The following SECISBP2 variants were observed in gnomAD, a reference collection of about 807,000 sequenced individuals.
SECISBP2 encodes SECIS binding protein 2.
In SECISBP2, 96 loss-of-function variants were observed where a neutral mutation model predicts 98.2. The observed-to-expected ratio is 0.98, with a 90% CI of 0.83 to 1.16. SECISBP2 has a LOEUF of 1.16. Ranked by LOEUF, SECISBP2 falls within the 50% of genes most tolerant of loss-of-function variation. The probability of loss-of-function intolerance (pLI) is 0.00; values close to 1 mark genes in which losing one functional copy is unlikely to be tolerated. For missense variants in SECISBP2, 1,046 were observed against 1,022.9 expected (o/e 1.02, Z -0.31); for synonymous variants, 407 against 370.2 (o/e 1.10, Z -1.14).
Position 89,335,776 on chromosome 9 carries a change from A to C in SECISBP2, c.1089+1046A>C. On this transcript the variant is annotated intron_variant, in intron 7 of 16. Transcript: ENST00000375807. ...GAAATACAAGTGATAGCTTTCCTTTATGAGTGAGAATGTACATTTTAGACA... is the reference window on the plus strand; with the variant it reads ...GAAATACAAGTGATAGCTTTCCTTTCTGAGTGAGAATGTACATTTTAGACA... 1.3e-5 allele frequency among the ~76,000 whole-genome samples: 2 copies of C among 152,214 alleles called. 1 individual carries two copies. Among genetic ancestry groups the C allele is most frequent in the East Asian group, 3.8e-4 (2 of 5,196 alleles).
chr9:89,335,199 CAGTG>C (rs1256095639), intron 7 of SECISBP2, among the ~76,000 whole-genome samples: 1 of 143,028 alleles, frequency 7.0e-6, no homozygotes, highest in Non-Finnish European at 1.5e-5. Flanking sequence ...CTGGGCAACA[CAGTG>C]AGACGTCGTC....
intron 16 of SECISBP2, 55 bp downstream of exon 16, chr9:89,358,246 T>C: frequency 6.5e-7 from 1 of 1,542,090 alleles, no homozygotes; most frequent in East Asian, 2.3e-5. Flanking sequence ...TTTACTGACT[T>C]TAATTAGGAG....
chr9:89,325,180 T>A (rs1826471656), intron 2 of SECISBP2: 1 of 507,084 alleles, frequency 2.0e-6, no homozygotes, highest in Non-Finnish European at 3.5e-6. Context: ...CTGGAGCATC[T>A]TCTGGCTCTG....
intron 7 of SECISBP2, 60 bp from the exon 8 acceptor site, chr9:89,338,398 A>G (rs1587929415): frequency 1.3e-6 from 2 of 1,590,036 alleles, no homozygotes; most frequent in East Asian, 2.2e-5. Context: ...GATACATAGT[A>G]TTAAACATTC....
intron 14 of SECISBP2, chr9:89,357,025 T>A: frequency 3.0e-6 from 1 of 335,684 alleles, no homozygotes; most frequent in South Asian, 2.4e-5. Flanking sequence ...GCCAGACCTG[T>A]GCCTCGACCA....
chr9:89,340,764 C>T (rs1829533336), intron 9 of SECISBP2, among the ~76,000 whole-genome samples: 2 of 152,188 alleles, frequency 1.3e-5, no homozygotes, highest in Non-Finnish European at 2.9e-5. Context: ...CACCATGCCT[C>T]AGGACATACC....
intron 14 of SECISBP2, among the ~76,000 whole-genome samples, chr9:89,353,450 C>T (rs1009078976): frequency 6.6e-6 from 1 of 152,220 alleles, no homozygotes; most frequent in Non-Finnish European, 1.5e-5. Context: ...TCCTGCAAAC[C>T]TGTGCTGTGC....
chr9:89,338,576 T>A lies in SECISBP2; in HGVS notation c.1208T>A (p.Ile403Asn). 2 of 1,611,718 alleles carry A rather than the reference T, an allele frequency of 1.2e-6. No individual in the cohort carries two copies. The highest frequency in any genetic ancestry group is 2.2e-5 in the South Asian group (2 of 90,536). The change falls in exon 8 of 17, where the codon ATT becomes AAT. Residue 403 changes from isoleucine (I) to asparagine (N), a missense_variant. Coordinates refer to ENST00000375807, the MANE Select transcript of SECISBP2 (RefSeq NM_024077.5). ...CTGACAGTTCAAGAGCCTCCAAGGATTGAAGTACATTTATATTTTTTATTC... is the reference window on the plus strand; with the variant it reads ...CTGACAGTTCAAGAGCCTCCAAGGAATGAAGTACATTTATATTTTTTATTC... The part of the protein sequence containing the change: ...EVLTVQEPPR[I>N]EDAEEFPNLA...
At chr9:89,338,389 A>T in intron 7 of SECISBP2, 69 bp from the exon 8 acceptor site, 1 of 1,548,660 alleles carries the variant, frequency 6.5e-7, no homozygotes, top group Non-Finnish European at 8.8e-7. Context: ...AATTTTGTTG[A>T]TACATAGTAT....
At chr9:89,364,105 G>A (rs530311630), downstream of SECISBP2, 230 of 1,501,006 alleles carry the variant, frequency 1.5e-4, 2 homozygotes, top group East Asian at 5.4e-3. Context: ...CCCTGGAGGT[G>A]GCTTCCCCAT....
downstream of SECISBP2, among the ~76,000 whole-genome samples, chr9:89,360,450 A>C (rs1832676428): frequency 6.6e-6 from 1 of 152,128 alleles, no homozygotes; most frequent in South Asian, 2.1e-4. Flanking sequence ...AAATCAAAAA[A>C]TTAAAGATCT....
intron 7 of SECISBP2, among the ~76,000 whole-genome samples, chr9:89,337,990 G>A (rs1339925629): frequency 6.6e-6 from 1 of 152,358 alleles, no homozygotes; most frequent in African/African-American, 2.4e-5. Flanking sequence ...GGGGTTAGGG[G>A]CCTGTAGGAA....
intron 1 of SECISBP2, chr9:89,318,935 A>G (rs1825192534): frequency 8.4e-7 from 1 of 1,196,474 alleles, no homozygotes. Context: ...GCTCTTGGGA[A>G]CGGATAGATT....
chr9:89,331,951 T>G (rs1827822273), intron 5 of SECISBP2, among the ~76,000 whole-genome samples: 1 of 152,216 alleles, frequency 6.6e-6, no homozygotes, highest in Non-Finnish European at 1.5e-5. Context: ...AAGCTATAGA[T>G]GTGGGTGGTG....
At position 89,325,525 on chromosome 9, in the gene SECISBP2, C is replaced by T. The variant is rs1436390737; in HGVS notation, c.281C>T (p.Pro94Leu). The T allele has an allele frequency of 1.2e-6, 2 of 1,613,880 alleles. No homozygotes were observed. Among genetic ancestry groups the T allele is most frequent in the African/African-American group, 2.7e-5 (2 of 74,848 alleles). ...EITLHPYAYS[P>L]YTLDSTQNVY... is the part of the protein sequence containing the mutation. Reference sequence around the variant, plus strand: ...ACTCTTCATCCATATGCCTATTCTCCTTATACCCTTGACTCCACACAGAAT... The same window carrying T: ...ACTCTTCATCCATATGCCTATTCTCTTTATACCCTTGACTCCACACAGAAT... Residue 94 changes from proline (P) to leucine (L), a missense_variant, in exon 3 of 17, where the codon CCT (proline) becomes CTT (leucine). Coordinates refer to ENST00000375807, the MANE Select transcript of SECISBP2 (RefSeq NM_024077.5).
intron 14 of SECISBP2, chr9:89,355,590 CAAAA>C: frequency 1.4e-6 from 1 of 735,604 alleles, no homozygotes; most frequent in Non-Finnish European, 1.7e-6. Flanking sequence ...GTTTCTCCAC[CAAAA>C]AAAAAAATTG....
In SECISBP2 at chr9:89,349,949, C is replaced by T. The variant is rs1194486548; in HGVS notation, c.1892+20C>T. ...CAGGGAGTGAGTGAGCCCCTGCCTG[C>T]CAGGGACTAGGGGAAGATGGAAGTG... On this transcript the variant is annotated intron_variant, in intron 13 of 16. Transcript: ENST00000375807. 1.9e-6 allele frequency: 3 copies of T among 1,613,460 alleles called. No individual in the cohort carries two copies. Among genetic ancestry groups the T allele is most frequent in the Non-Finnish European group, 1.7e-6 (2 of 1,179,580 alleles).
chr9:89,363,829 G>A (rs1417210703), downstream of SECISBP2: 2 of 1,614,018 alleles, frequency 1.2e-6, no homozygotes, highest in Non-Finnish European at 1.7e-6. Context: ...TTTCCCTGAT[G>A]GCGTCCTGCA....
At chr9:89,332,656 A>G (rs1357583740) in intron 5 of SECISBP2, 3 of 517,132 alleles carry the variant, frequency 5.8e-6, no homozygotes, top group Non-Finnish European at 1.0e-5. Flanking sequence ...TTTTGTGTGG[A>G]CATAAGTTTT....
Sources: allele counts gnomAD v4.1 joint callset (sites outside exome capture counted in the v4.1 genomes callset), GRCh38; gene constraint gnomAD v4.1.1; transcripts MANE v1.5; gene names NCBI Gene and HGNC (gene_info 2026-07-23, HGNC 2026-07-21).